The following RTRAF variants were observed in gnomAD, a reference collection of about 807,000 sequenced individuals.
RTRAF encodes tRNA-splicing ligase complex subunit RTRAF.
In RTRAF, 14 loss-of-function variants were observed where a neutral mutation model predicts 34.4. The observed-to-expected ratio is 0.41, with a 90% confidence interval of 0.27 to 0.64. The LOEUF is 0.64. RTRAF is among the 30% of genes least tolerant of loss of function. The pLI, the probability that RTRAF is intolerant of heterozygous loss-of-function variation, is 0.34. For synonymous variants in RTRAF, 96 were observed against 95.3 expected (o/e 1.01, Z -0.04); for missense variants, 291 against 288.4 (o/e 1.01, Z -0.06).
At chr14:51,999,883 A>G (rs1890575134) in intron 5 of RTRAF, 87 bp downstream of exon 5, 1 of 919,946 alleles carries the variant, frequency 1.1e-6, no homozygotes, top group Non-Finnish European at 1.7e-6. Flanking sequence ...TGATATTAAA[A>G]TTATGGTTGA....
intron 2 of RTRAF, among the ~76,000 whole-genome samples, chr14:51,993,082 C>T (rs1002203967): frequency 6.6e-6 from 1 of 151,356 alleles, no homozygotes; most frequent in African/African-American, 2.4e-5. Flanking sequence ...TATACACACA[C>T]GTATTTCTGA....
At position 52,007,906 on chromosome 14, in the gene RTRAF, C is replaced by T. The variant is rs1356397001; in HGVS notation, c.*3390C>T. On this transcript the variant is annotated 3_prime_UTR_variant, in exon 8 of 8. Transcript: ENST00000261700. ...TTGATCAGAATTCTTCTGTTTTCTCCATCTAAAGATGACGTTTCAATTTTA... is the reference window on the plus strand; with the variant it reads ...TTGATCAGAATTCTTCTGTTTTCTCTATCTAAAGATGACGTTTCAATTTTA... 4 of 1,613,922 alleles carry T rather than the reference C, an allele frequency of 2.5e-6. No homozygotes were observed. The highest frequency in any genetic ancestry group is 3.4e-6 in the Non-Finnish European group (4 of 1,179,852).
In RTRAF at chr14:52,006,910, A is replaced by C. The variant is rs1890807719; in HGVS notation, c.*2394A>C. ...AAATCTGGTAAGTTTCTGCCAAAGT[A>C]GGGCATTAAACATAATTATTTTTAT... On this transcript the variant is annotated 3_prime_UTR_variant, in exon 8 of 8. Coordinates refer to ENST00000261700, the MANE Select transcript of RTRAF (RefSeq NM_016039.3). 3.2e-6 allele frequency: 1 copy of C among 315,864 alleles called. No homozygotes were observed. The highest frequency in any genetic ancestry group is 6.0e-6 in the Non-Finnish European group (1 of 167,126). 19.6% of individuals were successfully genotyped at this position (315,864 alleles called of 1,614,324 possible).
At chr14:52,001,104 A>G (rs760786180) in intron 5 of RTRAF, among the ~76,000 whole-genome samples, 3 of 152,216 alleles carry the variant, frequency 2.0e-5, no homozygotes, top group East Asian at 1.9e-4. Flanking sequence ...ACTGTTAAAC[A>G]TTGTTTGAAT....
In RTRAF at chr14:51,989,601, C is replaced by T. The variant is rs916043490; in HGVS notation, c.-39C>T. On this transcript the variant is annotated 5_prime_UTR_variant, in exon 1 of 8. Coordinates refer to ENST00000261700, the MANE Select transcript of RTRAF (RefSeq NM_016039.3). ...CCGCTCCACCTCGCTTCTTCTCTCC[C>T]GGCCGAGGCCCGGGGGACCAGAGCG... 4.5e-6 allele frequency: 7 copies of T among 1,568,892 alleles called. No homozygotes were observed. The East Asian group carries it at 1.2e-4, about 27-fold the overall frequency.
intron 2 of RTRAF, among the ~76,000 whole-genome samples, chr14:51,993,074 TAC>T (rs1485405248): frequency 6.6e-6 from 1 of 151,904 alleles, no homozygotes; most frequent in Non-Finnish European, 1.5e-5. Context: ...TATGTACATA[TAC>T]ACACACGTAT....
rs1356924371 is a variant in RTRAF at position 51,989,668 on chromosome 14, A to G, written c.29A>G (p.Asp10Gly). The G allele has an allele frequency of 6.2e-7, 1 of 1,606,422 alleles. No homozygotes were observed. Among genetic ancestry groups the G allele is most frequent in the Admixed American group, 1.7e-5 (1 of 59,468 alleles). The change falls in exon 1 of 8, where the codon GAC (aspartate) becomes GGC (glycine). Residue 10 changes from aspartate to glycine, a missense_variant. Asp to Gly is a moderately conservative substitution (Grantham distance 94). Transcript: ENST00000261700. Reference sequence around the variant, plus strand: ...TTCCGACGCAAGTTGACGGCTCTCGACTACCACAACCCCGCCGGCTTCAAC... The same window carrying G: ...TTCCGACGCAAGTTGACGGCTCTCGGCTACCACAACCCCGCCGGCTTCAAC... MFRRKLTAL[D>G]YHNPAGFNCK...
chr14:51,998,726 T>A, intron 4 of RTRAF, 146 bp downstream of exon 4: 1 of 450,300 alleles, frequency 2.2e-6, no homozygotes, highest in Non-Finnish European at 4.0e-6. Context: ...CATTTTATTC[T>A]CTATAATGTT....
rs1566738792 is a variant in RTRAF at position 52,007,775 on chromosome 14, G to GC, written c.*3259_*3260insC. 2.5e-6 allele frequency: 4 copies of GC among 1,574,624 alleles called. No individual in the cohort carries two copies. Among genetic ancestry groups the GC allele is most frequent in the South Asian group, 1.1e-5 (1 of 88,868 alleles). On this transcript the variant is annotated 3_prime_UTR_variant, in exon 8 of 8. Coordinates refer to ENST00000261700, the MANE Select transcript of RTRAF (RefSeq NM_016039.3). ...TTAGTGCTCACATTCACTGTGATGAGAGGTTATCTATTTGCATTCCATCAG... is the reference window on the plus strand; with the variant it reads ...TTAGTGCTCACATTCACTGTGATGAGCAGGTTATCTATTTGCATTCCATCAG...
chr14:52,000,836 G>C (rs1057099254), intron 5 of RTRAF, among the ~76,000 whole-genome samples: 1 of 152,170 alleles, frequency 6.6e-6, no homozygotes, highest in African/African-American at 2.4e-5. Context: ...CATAAAGTAA[G>C]TGAGAGGAGA....
In RTRAF at chr14:52,008,225, G is replaced by A. The variant is rs1292856347; in HGVS notation, c.*3709G>A. On this transcript the variant is annotated 3_prime_UTR_variant, in exon 8 of 8. Coordinates refer to ENST00000261700, the MANE Select transcript of RTRAF (RefSeq NM_016039.3). ...CTCTCTCTTGCTCCCTTTGAGGGAA[G>A]CTGGATGCCATGTTGCAAGCTACCC... 2 of 339,952 alleles carry A rather than the reference G, an allele frequency of 5.9e-6. No homozygotes were observed. Among genetic ancestry groups the A allele is most frequent in the Admixed American group, 9.2e-5 (2 of 21,812 alleles). The allele number at this position is 339,952 out of a possible 1,614,324, so 21.1% of individuals were successfully genotyped here.
In RTRAF at chr14:51,989,574, T is replaced by C; in HGVS notation, c.-66T>C. ...TCGCCGCGTCGCCGGTGCCTGCGCC[T>C]CCCGCTCCACCTCGCTTCTTCTCTC... On this transcript the variant is annotated 5_prime_UTR_variant, in exon 1 of 8. Coordinates refer to ENST00000261700, the MANE Select transcript of RTRAF (RefSeq NM_016039.3). The C allele has an allele frequency of 2.6e-6, 4 of 1,521,220 alleles. No individual in the cohort carries two copies. In the East Asian group the frequency reaches 1.0e-4, roughly 39 times the overall value. The allele number at this position is 1,521,220 out of a possible 1,614,324, so 94.2% of individuals were successfully genotyped here.
intron 3 of RTRAF, among the ~76,000 whole-genome samples, chr14:51,997,677 A>G (rs890051157): frequency 2.0e-5 from 3 of 152,020 alleles, no homozygotes; most frequent in Admixed American, 1.3e-4. Flanking sequence ...TCAAGTTTCC[A>G]TGAAATAAGT....
In RTRAF at chr14:52,009,243, T is replaced by G. The variant is rs1890915463; in HGVS notation, c.*4727T>G. 6.6e-6 allele frequency: 1 copy of G among 152,214 alleles called. No homozygotes were observed. Among genetic ancestry groups the G allele is most frequent in the East Asian group, 1.9e-4 (1 of 5,186 alleles). 9.4% of individuals were successfully genotyped at this position (152,214 alleles called of 1,614,324 possible). On this transcript the variant is annotated 3_prime_UTR_variant, in exon 8 of 8. Coordinates refer to ENST00000261700, the MANE Select transcript of RTRAF (RefSeq NM_016039.3). Reference sequence around the variant, plus strand: ...GTGGAGGTGGCCAGAGGGTACAGCATGCATATCATTGCTTCATCGCTTCTG... The same window carrying G: ...GTGGAGGTGGCCAGAGGGTACAGCAGGCATATCATTGCTTCATCGCTTCTG...
intron 4 of RTRAF, 144 bp downstream of exon 4, chr14:51,998,724 T>A (rs941728599): frequency 8.6e-6 from 4 of 467,222 alleles, no homozygotes; most frequent in Middle Eastern, 3.0e-4. Context: ...AACATTTTAT[T>A]CTCTATAATG....
rs1274085357 is a variant in RTRAF at position 52,004,184 on chromosome 14, T to C, written c.532-10T>C. The C allele has an allele frequency of 7.5e-6, 12 of 1,608,876 alleles. No homozygotes were observed. The Admixed American group carries it at 1.8e-4, about 25-fold the overall frequency. ...ATAAATACTCTCATTTTGTCTTTCT[T>C]TTTTTAAAGGGCTTACCTGTTGCTT... On this transcript the variant is annotated splice_polypyrimidine_tract_variant and intron_variant, in intron 6 of 7. Transcript: ENST00000261700.
Position 52,008,199 on chromosome 14 carries a change from G to A in RTRAF, c.*3683G>A. The A allele has an allele frequency of 2.5e-6, 1 of 394,766 alleles. No individual in the cohort carries two copies. The highest frequency in any genetic ancestry group is 4.5e-6 in the Non-Finnish European group (1 of 220,682). The allele number at this position is 394,766 out of a possible 1,614,324, so 24.5% of individuals were successfully genotyped here. Reference sequence around the variant, plus strand: ...CAAAAAACTGGTTTCTGCCTTAGGGGCTCTCTCTTGCTCCCTTTGAGGGAA... The same window carrying A: ...CAAAAAACTGGTTTCTGCCTTAGGGACTCTCTCTTGCTCCCTTTGAGGGAA... On this transcript the variant is annotated 3_prime_UTR_variant, in exon 8 of 8. Coordinates refer to ENST00000261700, the MANE Select transcript of RTRAF (RefSeq NM_016039.3).
intron 2 of RTRAF, among the ~76,000 whole-genome samples, chr14:51,991,704 A>C (rs1377452642): frequency 3.3e-5 from 5 of 152,232 alleles, no homozygotes; most frequent in African/African-American, 1.2e-4. Context: ...ATAATGATGT[A>C]AATATTTCGC....
chr14:51,998,727 C>G (rs1192837919), intron 4 of RTRAF, 147 bp downstream of exon 4: 2 of 448,904 alleles, frequency 4.5e-6, no homozygotes, highest in Non-Finnish European at 7.9e-6. Flanking sequence ...ATTTTATTCT[C>G]TATAATGTTT....
Sources: allele counts gnomAD v4.1 joint callset (sites outside exome capture counted in the v4.1 genomes callset), GRCh38; gene constraint gnomAD v4.1.1; transcripts MANE v1.5; gene names NCBI Gene and HGNC (gene_info 2026-07-23, HGNC 2026-07-21).